The following TPRG1 variants were observed in gnomAD, a reference collection of about 807,000 sequenced individuals.
TPRG1 encodes tumor protein p63 regulated 1.
In TPRG1, 29 loss-of-function variants were observed where a neutral mutation model predicts 29.3. The observed-to-expected ratio is 0.99, with a 90% confidence interval of 0.74 to 1.35. The LOEUF (loss-of-function observed/expected upper bound fraction) is 1.35, where lower values mean the gene tolerates loss of function less well. Ranked by LOEUF, TPRG1 falls within the 40% of genes most tolerant of loss-of-function variation. TPRG1 has a pLI of 0.00. For synonymous variants in TPRG1, 130 were observed against 116.8 expected, an observed-to-expected ratio of 1.11 and a Z score of -0.73; for missense variants, 327 against 335.0, an observed-to-expected ratio of 0.98 and a Z score of 0.19.
At chr3:189,050,174 T>C (rs1715226649) in intron 4 of TPRG1, among the ~76,000 whole-genome samples, 1 of 151,872 alleles carries the variant, frequency 6.6e-6, no homozygotes, top group Admixed American at 6.6e-5. Context: ...AGAAATAAAA[T>C]TGATAGACCA....
At chr3:189,294,803 T>TACACACACAC (rs10544733) in intron 4 of TPRG1, among the ~76,000 whole-genome samples, 13 of 150,064 alleles carry the variant, frequency 8.7e-5, no homozygotes, top group African/African-American at 2.4e-4. Flanking sequence ...CCCTTACAGT[T>TACACACACAC]ACACACACAC....
chr3:189,004,790 T>C (rs1300859200), intron 3 of TPRG1: 1 of 152,140 alleles, frequency 6.6e-6, no homozygotes, highest in Non-Finnish European at 1.5e-5. Context: ...GAAATCTAGA[T>C]CTGGGGATTT....
chr3:189,238,939 G>A, intron 4 of TPRG1, 30 bp downstream of exon 4: 2 of 1,542,990 alleles, frequency 1.3e-6, no homozygotes, highest in Non-Finnish European at 1.8e-6. Flanking sequence ...TTGAAGAAGT[G>A]GTGCAGCAGG....
chr3:189,295,767 A>G (rs1339639511), intron 4 of TPRG1, among the ~76,000 whole-genome samples: 1 of 152,126 alleles, frequency 6.6e-6, no homozygotes, highest in East Asian at 1.9e-4. Context: ...CCGTGCTCAA[A>G]CTTTGTCTTT....
intron 3 of TPRG1, among the ~76,000 whole-genome samples, chr3:189,008,177 C>T (rs1362828105): frequency 6.6e-6 from 1 of 151,914 alleles, no homozygotes; most frequent in Non-Finnish European, 1.5e-5. Context: ...CATGTATCTG[C>T]ATGTGTGTGA....
At chr3:189,219,029 T>C (rs1173645494) in intron 3 of TPRG1, among the ~76,000 whole-genome samples, 4 of 152,204 alleles carry the variant, frequency 2.6e-5, no homozygotes, top group Admixed American at 2.6e-4. Flanking sequence ...TTCCATTGTA[T>C]AAAGACCACT....
intron 1 of TPRG1, among the ~76,000 whole-genome samples, chr3:189,118,799 G>C (rs536782914): frequency 6.6e-6 from 1 of 152,236 alleles, no homozygotes; most frequent in Non-Finnish European, 1.5e-5. Flanking sequence ...GACTTCAGAG[G>C]ATGTATGGAA....
At chr3:189,053,365 G>T (rs1715455102) in intron 4 of TPRG1, among the ~76,000 whole-genome samples, 1 of 152,122 alleles carries the variant, frequency 6.6e-6, no homozygotes, top group South Asian at 2.1e-4. Flanking sequence ...CATAGAAATT[G>T]ACCCTCCCAG....
At chr3:189,199,004 T>G (rs1184094239) in intron 1 of TPRG1, among the ~76,000 whole-genome samples, 1 of 152,208 alleles carries the variant, frequency 6.6e-6, no homozygotes. Flanking sequence ...TCAACAGAAC[T>G]TTAAATTATT....
chr3:189,082,645 A>T (rs1717669489), intron 4 of TPRG1, among the ~76,000 whole-genome samples: 1 of 151,898 alleles, frequency 6.6e-6, no homozygotes, highest in Admixed American at 6.6e-5. Flanking sequence ...CCTGCCACTC[A>T]CTCTAATTTG....
chr3:189,095,356 G>A (rs546516586), upstream of TPRG1, among the ~76,000 whole-genome samples: 1 of 152,270 alleles, frequency 6.6e-6, no homozygotes, highest in South Asian at 2.1e-4. Context: ...TTGTGTCTCA[G>A]TGGCATGTCT....
At chr3:189,057,912 A>C (rs1228730831) in intron 4 of TPRG1, among the ~76,000 whole-genome samples, 1 of 149,600 alleles carries the variant, frequency 6.7e-6, no homozygotes, top group Non-Finnish European at 1.5e-5. Flanking sequence ...ACACACGTAT[A>C]TATCTTGTAT....
chr3:189,007,911 G>T, intron 3 of TPRG1, among the ~76,000 whole-genome samples: 1 of 107,840 alleles, frequency 9.3e-6, no homozygotes, highest in African/African-American at 3.7e-5. Flanking sequence ...GTGGGGGGAG[G>T]GGGGAGGGAT....
chr3:189,216,779 T>C (rs542211779), intron 3 of TPRG1, among the ~76,000 whole-genome samples: 1 of 152,362 alleles, frequency 6.6e-6, no homozygotes, highest in South Asian at 2.1e-4. Context: ...TTTTTCCTAA[T>C]TCACTTTTAC....
At chr3:189,193,507 C>T (rs1285012396) in intron 1 of TPRG1, among the ~76,000 whole-genome samples, 1 of 152,076 alleles carries the variant, frequency 6.6e-6, no homozygotes, top group Admixed American at 6.6e-5. Flanking sequence ...GTTTTCCATA[C>T]ACTTTCCCTT....
chr3:189,044,425 G>T (rs913724478), intron 4 of TPRG1, among the ~76,000 whole-genome samples: 2 of 152,074 alleles, frequency 1.3e-5, no homozygotes, highest in African/African-American at 4.8e-5. Flanking sequence ...CGTGGTGGCA[G>T]GCGCCTGTAA....
upstream of TPRG1, among the ~76,000 whole-genome samples, chr3:189,098,411 T>C (rs6766862): frequency 0.16 from 24,460 of 152,078 alleles, 3,741 homozygotes; most frequent in African/African-American, 0.4. Flanking sequence ...ATCCAGCTTC[T>C]ATCCTTGCAA....
At chr3:189,154,822 T>G (rs1011598548) in intron 5 of TPRG1, among the ~76,000 whole-genome samples, 1 of 152,068 alleles carries the variant, frequency 6.6e-6, no homozygotes, top group African/African-American at 2.4e-5. Flanking sequence ...AAACACATAG[T>G]ACATCAGACG....
intron 5 of TPRG1, chr3:189,151,051 G>T (rs1027422633): frequency 1.3e-5 from 2 of 152,106 alleles, no homozygotes; most frequent in Admixed American, 6.5e-5. Context: ...TTTGTCACAG[G>T]TACCCCCCAA....
Sources: gnomAD v4.1 joint callset for allele counts (sites outside exome capture counted in the v4.1 genomes callset) on GRCh38, gnomAD v4.1.1 for gene constraint, MANE v1.5 for transcripts, NCBI Gene and HGNC (gene_info 2026-07-23, HGNC 2026-07-21) for gene names.